The following SHANK2 variants were observed in gnomAD, a reference collection of about 807,000 sequenced individuals.
SHANK2 encodes SH3 and multiple ankyrin repeat domains protein 2.
Under a neutral mutation model 133.7 loss-of-function variants are expected in SHANK2, and 43 were observed. The observed-to-expected ratio is 0.32, with a 90% CI of 0.25 to 0.41. The LOEUF (loss-of-function observed/expected upper bound fraction) is 0.41, where lower values mean the gene tolerates loss of function less well. SHANK2 is among the 10% of genes least tolerant of loss of function. The pLI is 1.00. For synonymous variants in SHANK2, 1,017 were observed against 952.8 expected, an observed-to-expected ratio of 1.07 and a Z score of -1.24; for missense variants, 1,994 against 2,235.8, an observed-to-expected ratio of 0.89 and a Z score of 2.18.
intron 11 of SHANK2, among the ~76,000 whole-genome samples, chr11:70,874,140 T>A (rs1352595485): frequency 6.6e-6 from 1 of 152,102 alleles, no homozygotes; most frequent in Non-Finnish European, 1.5e-5. Context: ...TCTATCCATA[T>A]CCATCTATCC....
Position 70,854,223 on chromosome 11 carries a change from T to C in SHANK2, c.1175-33541A>G, listed in dbSNP as rs190654757. On this transcript the variant is annotated intron_variant, in intron 11 of 25. Transcript: ENST00000601538. Reference sequence around the variant, plus strand: ...ATTCAGAGGCAAATAAATAATAGTATATTTTTGATTAAGAAAAAATTACTT... The same window carrying C: ...ATTCAGAGGCAAATAAATAATAGTACATTTTTGATTAAGAAAAAATTACTT... Among the ~76,000 whole-genome samples the C allele has an allele frequency of 3.4e-4, 52 of 152,374 alleles. 1 individual carries two copies. The East Asian group carries it at 8.3e-3, about 24-fold the overall frequency.
intron 17 of SHANK2, among the ~76,000 whole-genome samples, chr11:70,567,215 C>G (rs1008333932): frequency 8.5e-5 from 13 of 152,176 alleles, no homozygotes; most frequent in African/African-American, 3.1e-4. Context: ...TGCTGAAGAC[C>G]TAACCTCCGG....
chr11:71,084,920 C>G (rs1321995938), intron 8 of SHANK2, among the ~76,000 whole-genome samples: 1 of 152,158 alleles, frequency 6.6e-6, no homozygotes, highest in African/African-American at 2.4e-5. Context: ...ATTAAAGCAG[C>G]TCAGGACAAT....
Position 70,820,666 on chromosome 11 carries a change from G to A in SHANK2, c.1191C>T (p.Ala397=), listed in dbSNP as rs1212579714. Residue 397 remains alanine, a synonymous_variant, in exon 12 of 26, where the codon GCC becomes GCT. Transcript: ENST00000601538. The part of the protein sequence containing the change: ...KETDIVPFRE[A]PAYSNRRRRP... The stretch of plus-strand genomic sequence containing the variant: ...GCCGCCGGCGGTTGGAGTACGCCGG[G>A]GCCTCTCGGAAGGGCACTGGGGAGA... 1.7e-5 allele frequency: 12 copies of A among 690,602 alleles called. No homozygotes were observed. The highest frequency in any genetic ancestry group is 4.2e-5 in the Admixed American group (2 of 47,776). The allele number at this position is 690,602 out of a possible 1,614,324, so 42.8% of individuals were successfully genotyped here.
intron 25 of SHANK2, among the ~76,000 whole-genome samples, chr11:70,481,031 C>A (rs2135705487): frequency 6.6e-6 from 1 of 152,348 alleles, no homozygotes; most frequent in East Asian, 1.9e-4. Context: ...CACACTCACT[C>A]TTCCTTCCCC....
intron 11 of SHANK2, among the ~76,000 whole-genome samples, chr11:70,852,623 T>A (rs1949103612): frequency 6.6e-6 from 1 of 152,148 alleles, no homozygotes; most frequent in African/African-American, 2.4e-5. Context: ...GGTGGGCGGA[T>A]CACGAGGTCA....
chr11:70,672,320 T>G (rs1301046292), intron 15 of SHANK2, among the ~76,000 whole-genome samples: 1 of 152,214 alleles, frequency 6.6e-6, no homozygotes, highest in Non-Finnish European at 1.5e-5. Context: ...TGCCTCGGCC[T>G]TCCAAAGTGC....
intron 17 of SHANK2, among the ~76,000 whole-genome samples, chr11:70,615,604 C>T (rs2060729116): frequency 6.6e-6 from 1 of 152,178 alleles, no homozygotes; most frequent in Non-Finnish European, 1.5e-5. Context: ...CTGGCTCGGC[C>T]GAATCCCAGG....
chr11:70,823,792 G>A (rs1948594031), intron 11 of SHANK2, among the ~76,000 whole-genome samples: 1 of 149,720 alleles, frequency 6.7e-6, no homozygotes, highest in African/African-American at 2.5e-5. Flanking sequence ...CAGCATTCAT[G>A]GGGGGCAGAG....
intron 9 of SHANK2, among the ~76,000 whole-genome samples, chr11:71,056,788 T>C (rs961543710): frequency 2.8e-5 from 4 of 144,504 alleles, no homozygotes; most frequent in Non-Finnish European, 4.6e-5. Context: ...ATAGAAAGTC[T>C]TGCACATGTA....
chr11:71,177,614 A>G (rs1450176064), intron 2 of SHANK2, among the ~76,000 whole-genome samples: 1 of 152,234 alleles, frequency 6.6e-6, no homozygotes, highest in African/African-American at 2.4e-5. Flanking sequence ...GAAAAGCAGA[A>G]TGATGTAACA....
chr11:70,492,975 T>C (rs1383797631), intron 21 of SHANK2, among the ~76,000 whole-genome samples: 1 of 151,796 alleles, frequency 6.6e-6, no homozygotes, highest in African/African-American at 2.4e-5. Context: ...TTTGTATTTT[T>C]AGTAGAGACG....
chr11:70,766,007 C>T (rs1441470673), intron 14 of SHANK2, among the ~76,000 whole-genome samples: 2 of 152,200 alleles, frequency 1.3e-5, no homozygotes, highest in East Asian at 3.8e-4. Context: ...TCTCAACTTA[C>T]TCATCCATAG....
intron 10 of SHANK2, among the ~76,000 whole-genome samples, chr11:70,949,008 C>T (rs952048431): frequency 6.6e-6 from 1 of 152,126 alleles, no homozygotes; most frequent in Non-Finnish European, 1.5e-5. Context: ...AGCTGGGCCC[C>T]GGGCCCAGAC....
intron 14 of SHANK2, among the ~76,000 whole-genome samples, chr11:70,759,296 G>A (rs1946939659): frequency 6.6e-6 from 1 of 151,748 alleles, no homozygotes; most frequent in South Asian, 2.1e-4. Context: ...GAGTTGAAGA[G>A]CAGCCTGGCC....
chr11:70,709,838 G>A (rs1945741259), intron 14 of SHANK2, among the ~76,000 whole-genome samples: 1 of 151,398 alleles, frequency 6.6e-6, no homozygotes, highest in Admixed American at 6.6e-5. Flanking sequence ...AGAGAGGAGA[G>A]AAGAGGAGCC....
chr11:70,551,994 C>T (rs2059776640), intron 17 of SHANK2, among the ~76,000 whole-genome samples: 1 of 152,246 alleles, frequency 6.6e-6, no homozygotes, highest in Non-Finnish European at 1.5e-5. Flanking sequence ...GAGCTTCCTC[C>T]CTCCTGGGGT....
Position 70,535,883 on chromosome 11 carries a change from G to A in SHANK2, c.2062-32952C>T, listed in dbSNP as rs150327169. 3.5e-3 allele frequency among the ~76,000 whole-genome samples: 527 copies of A among 152,368 alleles called. 1 individual carries two copies. Among genetic ancestry groups the A allele is most frequent in the Middle Eastern group, 6.8e-3 (2 of 294 alleles). ...TGTCAGGGCCTGGTAAGCTGTGGGG[G>A]AAGCAGTGACTGGCCGGAGACCCCA... is the stretch of plus-strand genomic sequence containing the variant. On this transcript the variant is annotated intron_variant, in intron 17 of 25. Transcript: ENST00000601538. The surrounding 1 kb of genome is among the most constrained non-coding windows in gnomAD (Gnocchi z 4.3).
At chr11:70,845,493 C>A (rs1450130716) in intron 11 of SHANK2, among the ~76,000 whole-genome samples, 1 of 152,124 alleles carries the variant, frequency 6.6e-6, no homozygotes, top group Non-Finnish European at 1.5e-5. Context: ...ATGGAATGTG[C>A]TTATTGGCCC....
Sources: allele counts gnomAD v4.1 joint callset (sites outside exome capture counted in the v4.1 genomes callset), GRCh38; gene constraint gnomAD v4.1.1; non-coding constraint Gnocchi (gnomAD v3.1); transcripts MANE v1.5; gene names NCBI Gene and HGNC (gene_info 2026-07-23, HGNC 2026-07-21).